The following NTRK3 variants were observed in gnomAD, a reference collection of about 807,000 sequenced individuals.
The protein encoded by NTRK3 is NT-3 growth factor receptor.
In NTRK3, 24 loss-of-function variants were observed where a neutral mutation model predicts 91.7. That is an observed-to-expected ratio of 0.26 (90% CI 0.19 to 0.37). NTRK3 has a LOEUF of 0.37. NTRK3 is among the 10% of genes least tolerant of loss of function. NTRK3 has a pLI of 1.00. For synonymous variants in NTRK3, 483 were observed against 404.0 expected, an observed-to-expected ratio of 1.20 and a Z score of -2.34; for missense variants, 880 against 1,068.9, an observed-to-expected ratio of 0.82 and a Z score of 2.46.
chr15:88,066,307 C>G (rs1161216664), intron 13 of NTRK3, among the ~76,000 whole-genome samples: 4 of 152,156 alleles, frequency 2.6e-5, no homozygotes, highest in African/African-American at 9.7e-5. Flanking sequence ...ATATCTCTCC[C>G]TTTCATCTGG....
At chr15:88,214,760 C>G (rs750306099) in intron 3 of NTRK3, among the ~76,000 whole-genome samples, 1 of 151,978 alleles carries the variant, frequency 6.6e-6, no homozygotes, top group South Asian at 2.1e-4. Flanking sequence ...CTCTGGAACG[C>G]CTTCCCATAC....
chr15:88,197,621 C>T (rs1375060892), intron 3 of NTRK3, among the ~76,000 whole-genome samples: 1 of 152,200 alleles, frequency 6.6e-6, no homozygotes, highest in Non-Finnish European at 1.5e-5. Flanking sequence ...CATTGCACTA[C>T]TGAGATGCTT....
chr15:87,883,405 GTA>G (rs559380324), intron 17 of NTRK3, among the ~76,000 whole-genome samples: 262 of 147,386 alleles, frequency 1.8e-3, no homozygotes, highest in African/African-American at 5.3e-3. Context: ...ATATGTGTGT[GTA>G]TATATATATA....
chr15:88,064,374 C>G (rs1055656509), intron 13 of NTRK3, among the ~76,000 whole-genome samples: 2 of 152,230 alleles, frequency 1.3e-5, no homozygotes, highest in Non-Finnish European at 2.9e-5. Context: ...GATTTTATAG[C>G]TCGTCCTTCA....
intron 3 of NTRK3, among the ~76,000 whole-genome samples, chr15:88,246,704 A>G (rs2052859864): frequency 6.6e-6 from 1 of 152,186 alleles, no homozygotes; most frequent in African/African-American, 2.4e-5. Flanking sequence ...TCCTCCATCC[A>G]ATGCACTCGC....
At chr15:88,043,926 T>A (rs2079892703) in intron 13 of NTRK3, among the ~76,000 whole-genome samples, 1 of 152,158 alleles carries the variant, frequency 6.6e-6, no homozygotes, top group Non-Finnish European at 1.5e-5. Flanking sequence ...ATCCAGGGTA[T>A]GTCTCAAGAA....
At chr15:87,901,260 A>G (rs972503144) in intron 17 of NTRK3, among the ~76,000 whole-genome samples, 1 of 152,250 alleles carries the variant, frequency 6.6e-6, no homozygotes, top group East Asian at 1.9e-4. Flanking sequence ...CTTAAATGTG[A>G]AGCCAGAAAT....
intron 3 of NTRK3, among the ~76,000 whole-genome samples, chr15:88,202,106 A>G (rs1340503442): frequency 3.9e-5 from 6 of 152,180 alleles, no homozygotes; most frequent in South Asian, 2.1e-4. Context: ...ACAGCTGTTA[A>G]TAGCCATTCT....
At chr15:88,091,288 T>A (rs1276052511) in intron 13 of NTRK3, among the ~76,000 whole-genome samples, 2 of 152,200 alleles carry the variant, frequency 1.3e-5, no homozygotes, top group African/African-American at 4.8e-5. Context: ...GGGAAGGAAT[T>A]AGCAGGAATG....
intron 17 of NTRK3, among the ~76,000 whole-genome samples, chr15:87,923,989 T>C (rs2141862385): frequency 6.6e-6 from 1 of 152,262 alleles, no homozygotes; most frequent in Middle Eastern, 3.4e-3. Flanking sequence ...GAAATAAATC[T>C]CTTTCTTTAA....
At chr15:88,150,498 G>A (rs2043271959) in intron 5 of NTRK3, among the ~76,000 whole-genome samples, 1 of 152,120 alleles carries the variant, frequency 6.6e-6, no homozygotes, top group South Asian at 2.1e-4. Flanking sequence ...CTCTCCCAGG[G>A]CTGCCTTGGC....
intron 13 of NTRK3, among the ~76,000 whole-genome samples, chr15:88,060,968 C>CT (rs952486847): frequency 2.0e-5 from 3 of 150,298 alleles, no homozygotes; most frequent in East Asian, 2.0e-4. Context: ...TCCTCTTTCC[C>CT]TTTTTTTTTC....
At chr15:87,968,221 T>G (rs867345224) in intron 14 of NTRK3, among the ~76,000 whole-genome samples, 1 of 152,358 alleles carries the variant, frequency 6.6e-6, no homozygotes, top group South Asian at 2.1e-4. Context: ...TACTCAGTTT[T>G]AATTTCAAAT....
intron 3 of NTRK3, among the ~76,000 whole-genome samples, chr15:88,236,595 G>A (rs1469800182): frequency 6.7e-6 from 1 of 148,492 alleles, no homozygotes; most frequent in Admixed American, 6.7e-5. Flanking sequence ...CTATGAAGTT[G>A]CAAAGACATA....
At chr15:87,923,880 T>C (rs2068076510) in intron 17 of NTRK3, among the ~76,000 whole-genome samples, 1 of 152,100 alleles carries the variant, frequency 6.6e-6, no homozygotes, top group Admixed American at 6.6e-5. Flanking sequence ...TTCTTGGTCT[T>C]TTGCCATGTG....
At chr15:88,028,579 G>A (rs1298170177) in intron 14 of NTRK3, among the ~76,000 whole-genome samples, 3 of 152,118 alleles carry the variant, frequency 2.0e-5, no homozygotes, top group African/African-American at 7.2e-5. Flanking sequence ...AGAGGAAAGG[G>A]CGGGCCAACC....
chr15:88,048,942 T>C (rs1047135654), intron 13 of NTRK3, among the ~76,000 whole-genome samples: 6 of 152,124 alleles, frequency 3.9e-5, no homozygotes, highest in African/African-American at 1.4e-4. Flanking sequence ...GGCTTCAAGT[T>C]CCTCCTGTAA....
chr15:88,159,831 A>G (rs1281938265), intron 5 of NTRK3, among the ~76,000 whole-genome samples: 1 of 151,988 alleles, frequency 6.6e-6, no homozygotes. Flanking sequence ...GGGCCATCAC[A>G]GCACTGCACA....
chr15:87,905,450 C>T (rs980015799), intron 17 of NTRK3, among the ~76,000 whole-genome samples: 1 of 152,136 alleles, frequency 6.6e-6, no homozygotes, highest in African/African-American at 2.4e-5. Context: ...CAACAGGTTA[C>T]CTATTTGTTT....
Sources: gnomAD v4.1 joint callset for allele counts (sites outside exome capture counted in the v4.1 genomes callset) on GRCh38, gnomAD v4.1.1 for gene constraint, MANE v1.5 for transcripts, NCBI Gene and HGNC (gene_info 2026-07-23, HGNC 2026-07-21) for gene names.